KLF8: variants seen among roughly 807,000 people sequenced by gnomAD.
KLF8 encodes Krueppel-like factor 8.
KLF8 carries 10 observed loss-of-function variants against 18.2 expected under a neutral mutation model. The observed-to-expected ratio is 0.55, with a 90% CI of 0.34 to 0.93. The LOEUF is 0.93. KLF8 is among the 40% of genes least tolerant of loss of function. The probability of loss-of-function intolerance (pLI) is 0.02; values close to 1 mark genes in which losing one functional copy is unlikely to be tolerated. For missense variants in KLF8, 264 were observed against 277.9 expected, an observed-to-expected ratio of 0.95 and a Z score of 0.36; for synonymous variants, 109 against 97.3, an observed-to-expected ratio of 1.12 and a Z score of -0.71.
chrX:56,048,909 G>A, the KLF8 span, among the ~76,000 whole-genome samples: 1 of 111,740 alleles, frequency 8.9e-6, no homozygotes, highest in Non-Finnish European at 1.9e-5. Flanking sequence ...AGCATGGAAT[G>A]TTCTTCCATT....
At chrX:56,051,336 G>C in the KLF8 span, among the ~76,000 whole-genome samples, 2 of 109,490 alleles carry the variant, frequency 1.8e-5, no homozygotes, top group African/African-American at 3.3e-5. Flanking sequence ...TATTTTGCTC[G>C]TTAGTTGATG....
At chrX:55,987,410 C>G in the KLF8 span, among the ~76,000 whole-genome samples, 2 of 109,917 alleles carry the variant, frequency 1.8e-5, no homozygotes, top group African/African-American at 6.6e-5. Flanking sequence ...TCCATGTGTT[C>G]TCATTGTTCA....
the KLF8 span, among the ~76,000 whole-genome samples, chrX:56,175,818 T>A: frequency 9.0e-6 from 1 of 111,636 alleles, no homozygotes; most frequent in South Asian, 3.8e-4. Context: ...ATAGTTAGCT[T>A]TTCTTATTGA....
chrX:56,285,501 A>C lies in KLF8; in HGVS notation c.*1007A>C, dbSNP rs2067258768. The C allele has an allele frequency of 8.9e-6, 1 of 111,759 alleles. No homozygotes were observed. The highest frequency in any genetic ancestry group is 3.3e-5 in the African/African-American group (1 of 30,712). The allele number at this position is 111,759 out of a possible 1,213,427, so 9.2% of individuals were successfully genotyped here. ...TTTCGTTTACACAAAGAAGCAATTG[A>C]GTATATTGCATGATGAGAAATCACA... On this transcript the variant is annotated 3_prime_UTR_variant, in exon 6 of 6. Coordinates refer to ENST00000468660, the MANE Select transcript of KLF8 (RefSeq NM_007250.5).
the KLF8 span, among the ~76,000 whole-genome samples, chrX:56,040,070 G>C: frequency 6.3e-5 from 7 of 111,334 alleles, no homozygotes; most frequent in African/African-American, 2.3e-4. Flanking sequence ...TTTGCACATT[G>C]CTTTTGTAGC....
At chrX:55,971,481 C>T in the KLF8 span, among the ~76,000 whole-genome samples, 9 of 110,987 alleles carry the variant, frequency 8.1e-5, no homozygotes, top group Non-Finnish European at 1.5e-4. Flanking sequence ...ATTGAGGAAA[C>T]TCCCCAGAAC....
At chrX:56,236,028 G>C (rs1382855998) in intron 1 of KLF8, among the ~76,000 whole-genome samples, 3 of 112,127 alleles carry the variant, frequency 2.7e-5, no homozygotes, top group Non-Finnish European at 3.8e-5. Flanking sequence ...GATGTTATTT[G>C]TGTATTTAGA....
At chrX:56,117,008 G>A in the KLF8 span, among the ~76,000 whole-genome samples, 1 of 110,792 alleles carries the variant, frequency 9.0e-6, no homozygotes, top group African/African-American at 3.3e-5. Flanking sequence ...AGGCATGATG[G>A]CTCATGTCTG....
At chrX:55,946,035 A>C in the KLF8 span, among the ~76,000 whole-genome samples, 7 of 111,956 alleles carry the variant, frequency 6.3e-5, no homozygotes, top group Non-Finnish European at 1.3e-4. Context: ...AGGAAGAATC[A>C]ATATCATGAA....
rs2066687809 is a variant in KLF8 at position 56,250,281 on chromosome X, G to A, written c.58G>A (p.Gly20Ser). 1.7e-6 allele frequency: 2 copies of A among 1,205,059 alleles called. No individual in the cohort carries two copies. Among genetic ancestry groups the A allele is most frequent in the Non-Finnish European group, 2.2e-6 (2 of 890,744 alleles). ...GGAGGTCCAACTTAATTCAGAAGGT[G>A]GCTCAATGCAGGTATTCAAGCAGGT... ...NLEVQLNSEG[G>S]SMQVFKQVTA... Residue 20 changes from glycine (G) to serine (S), a missense_variant, in exon 2 of 6, where the codon GGC (glycine) becomes AGC (serine). Physicochemically the swap from Gly to Ser is moderately conservative, Grantham distance 56. Transcript: ENST00000468660.
chrX:55,923,744 G>A, the KLF8 span, among the ~76,000 whole-genome samples: 6 of 94,651 alleles, frequency 6.3e-5, no homozygotes, highest in African/African-American at 1.5e-4. Flanking sequence ...GTGTGTGTGT[G>A]TATATCTGTA....
chrX:55,953,158 G>A, the KLF8 span, among the ~76,000 whole-genome samples: 1 of 111,450 alleles, frequency 9.0e-6, no homozygotes, highest in Non-Finnish European at 1.9e-5. Flanking sequence ...ACAAGATGAG[G>A]TTCCTGCCTG....
chrX:56,216,823 T>A, the KLF8 span, among the ~76,000 whole-genome samples: 7 of 111,107 alleles, frequency 6.3e-5, no homozygotes, highest in Non-Finnish European at 1.3e-4. Context: ...TGGTCCCTCC[T>A]GCCACAGGGA....
At chrX:55,954,588 A>T in the KLF8 span, among the ~76,000 whole-genome samples, 1 of 112,184 alleles carries the variant, frequency 8.9e-6, no homozygotes, top group Admixed American at 9.5e-5. Context: ...TATTTGTGGA[A>T]ACGTAAAGTA....
the KLF8 span, among the ~76,000 whole-genome samples, chrX:56,061,124 T>C: frequency 1.8e-5 from 2 of 111,928 alleles, no homozygotes; most frequent in South Asian, 7.4e-4. Context: ...AGCTCCTGGA[T>C]TCATTGATTT....
At chrX:56,082,489 C>T in the KLF8 span, among the ~76,000 whole-genome samples, 1 of 107,928 alleles carries the variant, frequency 9.3e-6, no homozygotes, top group Admixed American at 9.9e-5. Flanking sequence ...TTCTTTGCTT[C>T]TGCTAGATTT....
At chrX:56,049,648 G>A in the KLF8 span, among the ~76,000 whole-genome samples, 1 of 102,460 alleles carries the variant, frequency 9.8e-6, no homozygotes, top group African/African-American at 3.6e-5. Context: ...GCTTTTTGAT[G>A]TGCTGCTGGA....
chrX:55,913,909 A>G, the KLF8 span, among the ~76,000 whole-genome samples: 1 of 111,906 alleles, frequency 8.9e-6, no homozygotes. Context: ...AGTGGCTGGA[A>G]AAACAGCAAG....
At chrX:56,021,851 ACAGCAGGCC>A in the KLF8 span, among the ~76,000 whole-genome samples, 1 of 110,181 alleles carries the variant, frequency 9.1e-6, no homozygotes, top group Non-Finnish European at 1.9e-5. Flanking sequence ...TGCTGAGGGA[ACAGCAGGCC>A]TTGTGCAGGT....
Sources: allele counts gnomAD v4.1 joint callset (sites outside exome capture counted in the v4.1 genomes callset), GRCh38; gene constraint gnomAD v4.1.1; transcripts MANE v1.5; gene names NCBI Gene and HGNC (gene_info 2026-07-23, HGNC 2026-07-21).